TBC1D5: variants seen among roughly 807,000 people sequenced by gnomAD.
TBC1D5 encodes the protein TBC1 domain family member 5.
TBC1D5 carries 75 observed loss-of-function variants against 100.3 expected under a neutral mutation model. That is an observed-to-expected ratio of 0.75 (90% CI 0.62 to 0.91). The LOEUF (loss-of-function observed/expected upper bound fraction) is 0.91, where lower values mean the gene tolerates loss of function less well. TBC1D5 is among the 40% of genes least tolerant of loss of function. The pLI, the probability that TBC1D5 is intolerant of heterozygous loss-of-function variation, is 0.00. For missense variants in TBC1D5, 910 were observed against 942.4 expected, an observed-to-expected ratio of 0.97 and a Z score of 0.45; for synonymous variants, 323 against 325.6, an observed-to-expected ratio of 0.99 and a Z score of 0.09.
chr3:17,632,774 T>C (rs112237320), intron 1 of TBC1D5, among the ~76,000 whole-genome samples: 24 of 152,304 alleles, frequency 1.6e-4, no homozygotes, highest in African/African-American at 5.3e-4. Flanking sequence ...GGTATGTACG[T>C]TGTTTTTTAC....
At chr3:17,220,943 G>C (rs1288387649) in intron 17 of TBC1D5, among the ~76,000 whole-genome samples, 2 of 152,078 alleles carry the variant, frequency 1.3e-5, no homozygotes, top group Non-Finnish European at 2.9e-5. Flanking sequence ...TCTCTTCAAA[G>C]TTTGGATTAT....
chr3:17,163,622 G>C (rs779158932), intron 21 of TBC1D5, among the ~76,000 whole-genome samples: 2 of 152,092 alleles, frequency 1.3e-5, no homozygotes, highest in Non-Finnish European at 2.9e-5. Context: ...CACCTTCCCA[G>C]ACCTACCTCA....
At chr3:17,499,255 G>A (rs1032821753) in intron 3 of TBC1D5, among the ~76,000 whole-genome samples, 1 of 152,130 alleles carries the variant, frequency 6.6e-6, no homozygotes, top group South Asian at 2.1e-4. Flanking sequence ...GATTATACTT[G>A]TAAGGGCCTA....
At chr3:17,224,948 A>G (rs925909481) in intron 17 of TBC1D5, among the ~76,000 whole-genome samples, 1 of 152,188 alleles carries the variant, frequency 6.6e-6, no homozygotes, top group African/African-American at 2.4e-5. Flanking sequence ...CTCACATTAA[A>G]AACATATGTT....
intron 13 of TBC1D5, chr3:17,337,288 T>C (rs6773326): frequency 0.061 from 9,205 of 152,066 alleles, 545 homozygotes; most frequent in African/African-American, 0.15. Flanking sequence ...GCTCTAAAGG[T>C]AGACACCAAT....
intron 19 of TBC1D5, among the ~76,000 whole-genome samples, chr3:17,173,429 T>C (rs1217685135): frequency 6.6e-6 from 1 of 152,132 alleles, no homozygotes; most frequent in Admixed American, 6.5e-5. Context: ...CACAACAGAT[T>C]GTACAATCAT....
At chr3:17,357,247 A>G (rs2091301687) in intron 13 of TBC1D5, among the ~76,000 whole-genome samples, 1 of 152,202 alleles carries the variant, frequency 6.6e-6, no homozygotes, top group Non-Finnish European at 1.5e-5. Flanking sequence ...GGGAGTCAGG[A>G]CAAAGCCTGT....
At chr3:17,724,792 T>C (rs976566457) in intron 1 of TBC1D5, among the ~76,000 whole-genome samples, 2 of 152,194 alleles carry the variant, frequency 1.3e-5, no homozygotes, top group Admixed American at 1.3e-4. Context: ...TATGTGTGTG[T>C]TTATAAATAT....
At chr3:17,163,046 C>G (rs1451933220) in intron 21 of TBC1D5, among the ~76,000 whole-genome samples, 1 of 152,200 alleles carries the variant, frequency 6.6e-6, no homozygotes, top group Non-Finnish European at 1.5e-5. Flanking sequence ...ATACTGAGAT[C>G]ACTTATTCTC....
chr3:17,638,358 CT>C (rs2064173454), intron 1 of TBC1D5, among the ~76,000 whole-genome samples: 1 of 152,060 alleles, frequency 6.6e-6, no homozygotes, highest in African/African-American at 2.4e-5. Context: ...AACCCCAAAA[CT>C]GCTTTTTGTC....
intron 1 of TBC1D5, among the ~76,000 whole-genome samples, chr3:17,702,029 G>T (rs183464360): frequency 6.6e-6 from 1 of 151,726 alleles, no homozygotes; most frequent in South Asian, 2.1e-4. Context: ...ATTAAATTAG[G>T]GTGAATTTTT....
chr3:17,161,034 G>A, exon 22 of TBC1D5: 1 of 1,614,240 alleles, frequency 6.2e-7, no homozygotes, highest in East Asian at 2.2e-5. Flanking sequence ...CTGGAGCTGG[G>A]GTTGCTGGAG....
At chr3:17,417,693 T>A (rs1417458252) in intron 4 of TBC1D5, among the ~76,000 whole-genome samples, 1 of 152,094 alleles carries the variant, frequency 6.6e-6, no homozygotes, top group African/African-American at 2.4e-5. Flanking sequence ...TTATAGTCCC[T>A]TGGGTATATA....
rs76825872 is a variant in TBC1D5, at chr3:17,276,064, T to C, written c.1245+15831A>G. 5.9e-3 allele frequency among the ~76,000 whole-genome samples: 902 copies of C among 152,336 alleles called. 5 individuals carry two copies. The highest frequency in any genetic ancestry group is 0.021 in the African/African-American group (880 of 41,570). The stretch of plus-strand genomic sequence containing the variant: ...TGTGTCTTAGTCTGTTTGGATGTTA[T>C]AACAAAATACCATAAACTAAGTGGC... On this transcript the variant is annotated intron_variant, in intron 15 of 21. Transcript: ENST00000253692.
At chr3:17,408,650 T>A (rs993163146) in intron 4 of TBC1D5, among the ~76,000 whole-genome samples, 7 of 152,164 alleles carry the variant, frequency 4.6e-5, no homozygotes, top group African/African-American at 1.7e-4. Context: ...ATATTTTTGT[T>A]AATAATACTG....
chr3:17,584,851 T>C (rs185812031), intron 2 of TBC1D5, among the ~76,000 whole-genome samples: 2 of 152,248 alleles, frequency 1.3e-5, no homozygotes, highest in East Asian at 3.9e-4. Context: ...AGAGACAGGG[T>C]TTCGCCATGT....
intron 16 of TBC1D5, among the ~76,000 whole-genome samples, chr3:17,257,460 C>A (rs531591687): frequency 4.1e-4 from 62 of 152,250 alleles, no homozygotes; most frequent in African/African-American, 1.5e-3. Flanking sequence ...TGTAACAAGA[C>A]TCAGATGAAA....
intron 2 of TBC1D5, among the ~76,000 whole-genome samples, chr3:17,543,143 G>A (rs910228693): frequency 6.6e-6 from 1 of 152,034 alleles, no homozygotes; most frequent in African/African-American, 2.4e-5. Flanking sequence ...GGGGAGAGGA[G>A]AAGAAAAGAA....
intron 3 of TBC1D5, among the ~76,000 whole-genome samples, chr3:17,491,065 T>A (rs2095634163): frequency 6.6e-6 from 1 of 152,138 alleles, no homozygotes; most frequent in African/African-American, 2.4e-5. Context: ...TATTATCTTG[T>A]TAGCAATTGT....
Sources: allele counts gnomAD v4.1 joint callset (sites outside exome capture counted in the v4.1 genomes callset), GRCh38; gene constraint gnomAD v4.1.1; transcripts MANE v1.5; gene names NCBI Gene and HGNC (gene_info 2026-07-23, HGNC 2026-07-21).